The following STPG2 variants were observed in gnomAD, a reference collection of about 807,000 sequenced individuals.
STPG2 encodes sperm-tail PG-rich repeat-containing protein 2.
A neutral mutation model predicts 54.2 loss-of-function variants in STPG2; 56 were observed. The observed-to-expected ratio is 1.03, with a 90% CI of 0.83 to 1.29. The LOEUF is 1.29. Ranked by LOEUF, STPG2 falls within the 50% of genes most tolerant of loss-of-function variation. The pLI, the probability that STPG2 is intolerant of heterozygous loss-of-function variation, is 0.00. For synonymous variants in STPG2, 200 were observed against 181.8 expected, an observed-to-expected ratio of 1.10 and a Z score of -0.81; for missense variants, 596 against 544.9, an observed-to-expected ratio of 1.09 and a Z score of -0.93.
In STPG2 at chr4:97,689,585, C is replaced by A. The variant is rs575524774; in HGVS notation, c.1320+23114G>T. Among the ~76,000 whole-genome samples the A allele has an allele frequency of 2.8e-4, 42 of 152,090 alleles. No individual in the cohort carries two copies. The South Asian group carries it at 7.5e-3, about 27-fold the overall frequency. ...GGTGCATTTGCTAGAAAAGTTTTTT[C>A]TCCTCTTTGGAAGAAAACAAATGTT... On this transcript the variant is annotated intron_variant, in intron 10 of 10. Transcript: ENST00000295268.
At chr4:97,788,703 G>T (rs1026378633) in intron 9 of STPG2, among the ~76,000 whole-genome samples, 22 of 151,966 alleles carry the variant, frequency 1.4e-4, no homozygotes, top group Non-Finnish European at 1.6e-4. Flanking sequence ...CAGTGTACAA[G>T]GGTTCCCTTT....
chr4:98,015,787 G>A (rs1489090980), intron 5 of STPG2, among the ~76,000 whole-genome samples: 2 of 152,108 alleles, frequency 1.3e-5, no homozygotes, highest in Non-Finnish European at 2.9e-5. Flanking sequence ...GTTCACAATA[G>A]CAAAGACTTG....
chr4:97,467,828 T>C (rs1729825963), intron 4 of STPG2, among the ~76,000 whole-genome samples: 1 of 151,076 alleles, frequency 6.6e-6, no homozygotes, highest in African/African-American at 2.4e-5. Flanking sequence ...CTGTTAGTTA[T>C]TAAAGCTGCT....
chr4:97,835,123 T>C (rs1053307131), intron 9 of STPG2, among the ~76,000 whole-genome samples: 2 of 152,022 alleles, frequency 1.3e-5, no homozygotes, highest in African/African-American at 2.4e-5. Flanking sequence ...CGACACAAGA[T>C]ACAGGTCATA....
intron 8 of STPG2, among the ~76,000 whole-genome samples, chr4:97,857,482 A>AT (rs1238617699): frequency 2.6e-5 from 4 of 152,034 alleles, no homozygotes; most frequent in Non-Finnish European, 4.4e-5. Flanking sequence ...GATTGTTTAT[A>AT]TTTTGTGGGG....
At chr4:97,459,345 T>G (rs1189496851) in intron 4 of STPG2, among the ~76,000 whole-genome samples, 1 of 152,086 alleles carries the variant, frequency 6.6e-6, no homozygotes, top group African/African-American at 2.4e-5. Context: ...AACTTCTCTT[T>G]CGCTAATATT....
intron 9 of STPG2, among the ~76,000 whole-genome samples, chr4:97,757,597 A>T (rs1725769066): frequency 6.6e-6 from 1 of 152,178 alleles, no homozygotes; most frequent in African/African-American, 2.4e-5. Context: ...CCGTAACACA[A>T]AACAATAGAT....
intron 4 of STPG2, among the ~76,000 whole-genome samples, chr4:97,494,112 T>G (rs1375150844): frequency 6.6e-6 from 1 of 151,466 alleles, no homozygotes; most frequent in African/African-American, 2.4e-5. Flanking sequence ...CTCAAAGAGA[T>G]TTGGGGGTAT....
chr4:98,061,669 C>T (rs967521077), intron 5 of STPG2, among the ~76,000 whole-genome samples: 1 of 152,056 alleles, frequency 6.6e-6, no homozygotes, highest in African/African-American at 2.4e-5. Flanking sequence ...AGAAGACATA[C>T]ATGCAACCAA....
In STPG2 at chr4:97,512,652, T is replaced by A. The variant is rs553156617; in HGVS notation, c.462+200047A>T. Among the ~76,000 whole-genome samples, 28 of 149,960 alleles carry A rather than the reference T, an allele frequency of 1.9e-4. 2 individuals are homozygous for A. The South Asian group carries it at 5.5e-3, about 30-fold the overall frequency. On this transcript the variant is annotated intron_variant, in intron 4 of 4. Transcript: ENST00000522676. ...AGCAAAAATAAAGAAAAGATAGGGG[T>A]GGGAGGAAGAAGAAGGAAGGGGGAC...
intron 8 of STPG2, among the ~76,000 whole-genome samples, chr4:97,864,829 C>G (rs1729701779): frequency 1.3e-5 from 2 of 152,046 alleles, no homozygotes; most frequent in South Asian, 2.1e-4. Flanking sequence ...CTGACACAAA[C>G]AAGAAATAGG....
chr4:98,083,609 A>G (rs1738416286), intron 5 of STPG2, among the ~76,000 whole-genome samples: 1 of 152,188 alleles, frequency 6.6e-6, no homozygotes, highest in Non-Finnish European at 1.5e-5. Context: ...ATATTGGAGT[A>G]TTCCAGGAAG....
At chr4:98,079,215 C>A (rs1042005189) in intron 5 of STPG2, among the ~76,000 whole-genome samples, 7 of 152,096 alleles carry the variant, frequency 4.6e-5, no homozygotes, top group Non-Finnish European at 8.8e-5. Flanking sequence ...TTAAAATAAA[C>A]AATATATCAC....
Position 97,688,963 on chromosome 4 carries a change from T to C in STPG2, c.1320+23736A>G, listed in dbSNP as rs187807803. Among the ~76,000 whole-genome samples, 18 of 152,296 alleles carry C rather than the reference T, an allele frequency of 1.2e-4. No individual in the cohort carries two copies. In the East Asian group the frequency reaches 1.9e-3, roughly 16 times the overall value. ...ATTTAAAAATAAACTAAAACACTAA[T>C]CTTTGCAACTAACCTATTTTCTGCT... On this transcript the variant is annotated intron_variant, in intron 10 of 10. Coordinates refer to ENST00000295268, the MANE Select transcript of STPG2 (RefSeq NM_174952.3).
chr4:97,651,946 G>A (rs543322449), intron 10 of STPG2, among the ~76,000 whole-genome samples: 50 of 151,982 alleles, frequency 3.3e-4, no homozygotes, highest in Admixed American at 3.1e-3. Flanking sequence ...CTTGCCATAT[G>A]AAAATACATA....
At chr4:97,952,484 T>C (rs562204664) in intron 7 of STPG2, among the ~76,000 whole-genome samples, 1 of 152,266 alleles carries the variant, frequency 6.6e-6, no homozygotes, top group Non-Finnish European at 1.5e-5. Flanking sequence ...GTGGCATACT[T>C]TCCTTTCGCC....
At chr4:97,699,129 T>C (rs1207497624) in intron 10 of STPG2, among the ~76,000 whole-genome samples, 1 of 152,226 alleles carries the variant, frequency 6.6e-6, no homozygotes, top group Admixed American at 6.5e-5. Context: ...AATGTGGCTA[T>C]ACTGAGGGCT....
intron 4 of STPG2, among the ~76,000 whole-genome samples, chr4:97,538,374 CACA>C (rs1424293750): frequency 1.3e-5 from 2 of 152,150 alleles, no homozygotes; most frequent in African/African-American, 4.8e-5. Context: ...AAACCCATGG[CACA>C]ACAACTACGT....
intron 10 of STPG2, among the ~76,000 whole-genome samples, chr4:97,690,919 A>G (rs913934923): frequency 6.6e-6 from 1 of 152,208 alleles, no homozygotes; most frequent in African/African-American, 2.4e-5. Context: ...AGGTTGAATC[A>G]ATCCTCTCAG....
Sources: allele counts gnomAD v4.1 joint callset (sites outside exome capture counted in the v4.1 genomes callset), GRCh38; gene constraint gnomAD v4.1.1; transcripts MANE v1.5; gene names NCBI Gene and HGNC (gene_info 2026-07-23, HGNC 2026-07-21).